Variants in RYR2 observed in about 807,000 individuals in gnomAD.
RYR2 encodes the protein ryanodine receptor 2.
RYR2 carries 227 observed loss-of-function variants against 601.1 expected under a neutral mutation model. The observed-to-expected ratio is 0.38, with a 90% CI of 0.34 to 0.42. RYR2 has a LOEUF of 0.42. Among genes scored for constraint, RYR2 ranks in the 10% least tolerant of loss-of-function variants. The probability of loss-of-function intolerance (pLI) is 1.00; values close to 1 mark genes in which losing one functional copy is unlikely to be tolerated. For synonymous variants in RYR2, 2,223 were observed against 2,175.1 expected, an observed-to-expected ratio of 1.02 and a Z score of -0.61; for missense variants, 4,646 against 6,156.5, an observed-to-expected ratio of 0.75 and a Z score of 8.21.
At chr1:237,785,145 G>T in intron 90 of RYR2, 173 bp downstream of exon 90, 1 of 629,762 alleles carries the variant, frequency 1.6e-6, no homozygotes, top group East Asian at 2.7e-5. Context: ...GAGTCCTTAT[G>T]AATTATTAAA....
intron 2 of RYR2, among the ~76,000 whole-genome samples, chr1:237,294,396 T>C (rs1015167041): frequency 1.1e-4 from 17 of 152,082 alleles, no homozygotes. Flanking sequence ...TAAAATTGAT[T>C]TGCTATCCTG....
chr1:237,795,174 C>T (rs1000799206), intron 95 of RYR2, 115 bp from the exon 96 acceptor site: 8 of 504,930 alleles, frequency 1.6e-5, no homozygotes, highest in Admixed American at 4.4e-5. Flanking sequence ...TGTAAGTTTA[C>T]GTGGCAGGAT....
intron 80 of RYR2, among the ~76,000 whole-genome samples, chr1:237,744,055 T>C (rs1186084900): frequency 6.6e-6 from 1 of 152,198 alleles, no homozygotes; most frequent in Non-Finnish European, 1.5e-5. Context: ...TGCTTTTCCA[T>C]TGTGCTAGTA....
intron 1 of RYR2, among the ~76,000 whole-genome samples, chr1:237,169,726 A>G (rs1425139548): frequency 1.3e-5 from 2 of 152,258 alleles, no homozygotes; most frequent in Non-Finnish European, 1.5e-5. Context: ...ATGATAAAGT[A>G]AGCAGACTTG....
intron 21 of RYR2, among the ~76,000 whole-genome samples, chr1:237,501,910 G>A (rs1664680912): frequency 6.6e-6 from 1 of 152,190 alleles, no homozygotes; most frequent in African/African-American, 2.4e-5. Flanking sequence ...GGAGGCCGAG[G>A]TGGAAGGATT....
rs144557762 is a variant in RYR2, at chr1:237,376,267, A to G, written c.464-1056A>G. Among the ~76,000 whole-genome samples the G allele has an allele frequency of 5.9e-5, 9 of 152,332 alleles. No homozygotes were observed. The East Asian group carries it at 1.4e-3, about 23-fold the overall frequency. Reference sequence around the variant, plus strand: ...AAGTTAGACTATGGTTTATGTAAGAAAAAACACAGATTACATGTTGACTGT... The same window carrying G: ...AAGTTAGACTATGGTTTATGTAAGAGAAAACACAGATTACATGTTGACTGT... On this transcript the variant is annotated intron_variant, in intron 7 of 104. Coordinates refer to ENST00000366574, the MANE Select transcript of RYR2 (RefSeq NM_001035.3).
In RYR2 at chr1:237,473,356, G is replaced by A. The variant is rs143071383; in HGVS notation, c.1708+4169G>A. Among the ~76,000 whole-genome samples the A allele has an allele frequency of 2.9e-3, 447 of 152,004 alleles. 2 individuals carry two copies. Among genetic ancestry groups the A allele is most frequent in the African/African-American group, 0.01 (415 of 41,496 alleles). The stretch of plus-strand genomic sequence containing the variant: ...TGAGAATCGCTTGAACTTGGGAGGC[G>A]GAGGTTGCGGTGAGCCGAGATTGCA... On this transcript the variant is annotated intron_variant, in intron 17 of 104. Coordinates refer to ENST00000366574, the MANE Select transcript of RYR2 (RefSeq NM_001035.3).
intron 76 of RYR2, among the ~76,000 whole-genome samples, chr1:237,727,687 G>A (rs560019385): frequency 6.6e-6 from 1 of 152,088 alleles, no homozygotes; most frequent in Admixed American, 6.6e-5. Flanking sequence ...GTAGGTTTAT[G>A]TCATGATAAA....
chr1:237,251,485 G>A (rs915833531), intron 1 of RYR2, among the ~76,000 whole-genome samples: 2 of 152,136 alleles, frequency 1.3e-5, no homozygotes, highest in African/African-American at 4.8e-5. Context: ...TGTTTAGATC[G>A]GTTGGCCCCT....
At chr1:237,139,381 G>A (rs1461202740) in intron 1 of RYR2, among the ~76,000 whole-genome samples, 3 of 152,212 alleles carry the variant, frequency 2.0e-5, no homozygotes, top group African/African-American at 7.2e-5. Context: ...TAAAGGCAGT[G>A]GGAGGATTGG....
intron 29 of RYR2, among the ~76,000 whole-genome samples, chr1:237,576,677 C>A (rs908354308): frequency 6.6e-6 from 1 of 152,036 alleles, no homozygotes; most frequent in Admixed American, 6.6e-5. Flanking sequence ...AATGAATGTT[C>A]TGCTTCCTTA....
intron 11 of RYR2, among the ~76,000 whole-genome samples, chr1:237,419,310 A>C (rs78412282): frequency 0.043 from 6,538 of 152,130 alleles, 229 homozygotes; most frequent in Non-Finnish European, 0.071. Context: ...TTAAAAAAAA[A>C]ACATGAAAGC....
At chr1:237,820,008 G>A (rs1662273836) in intron 101 of RYR2, among the ~76,000 whole-genome samples, 1 of 152,018 alleles carries the variant, frequency 6.6e-6, no homozygotes, top group African/African-American at 2.4e-5. Flanking sequence ...CCAATGTGGT[G>A]AAACCTTGTC....
At chr1:237,064,771 T>A (rs766666925) in intron 1 of RYR2, among the ~76,000 whole-genome samples, 1,697 of 106,508 alleles carry the variant, frequency 0.016, 50 homozygotes, top group Middle Eastern at 0.029. Context: ...TTTTTTTTTT[T>A]TTTTTTTTTT....
At chr1:237,151,055 A>T (rs1345178663) in intron 1 of RYR2, among the ~76,000 whole-genome samples, 1 of 152,170 alleles carries the variant, frequency 6.6e-6, no homozygotes, top group African/African-American at 2.4e-5. Flanking sequence ...ATTAATTTTC[A>T]TCTAGATTTT....
intron 62 of RYR2, 89 bp from the exon 63 acceptor site, chr1:237,687,365 TC>T (rs202074254): frequency 0.018 from 7,720 of 439,382 alleles, 293 homozygotes; most frequent in South Asian, 0.035. Flanking sequence ...TTTTTCTTCT[TC>T]TTTTTTTTTT....
At chr1:237,125,264 C>G (rs747545348) in intron 1 of RYR2, among the ~76,000 whole-genome samples, 6 of 151,940 alleles carry the variant, frequency 3.9e-5, no homozygotes, top group Non-Finnish European at 7.4e-5. Context: ...CTCGGAGGTT[C>G]GGTGGGTTGG....
intron 1 of RYR2, among the ~76,000 whole-genome samples, chr1:237,219,890 T>C (rs902514645): frequency 1.3e-5 from 2 of 152,226 alleles, no homozygotes; most frequent in African/African-American, 4.8e-5. Context: ...TCTCCCCTTT[T>C]CATTTACTTG....
At chr1:237,128,266 C>T (rs930231521) in intron 1 of RYR2, among the ~76,000 whole-genome samples, 9 of 152,256 alleles carry the variant, frequency 5.9e-5, no homozygotes, top group South Asian at 2.1e-4. Context: ...CGCAGGCACT[C>T]GGCAGGCTGA....
Sources: allele counts gnomAD v4.1 joint callset (sites outside exome capture counted in the v4.1 genomes callset), GRCh38; gene constraint gnomAD v4.1.1; transcripts MANE v1.5; gene names NCBI Gene and HGNC (gene_info 2026-07-23, HGNC 2026-07-21).